Variants in SERPINB8 observed in about 807,000 individuals in gnomAD.
The protein encoded by SERPINB8 is serpin family B member 8.
A neutral mutation model predicts 35.3 loss-of-function variants in SERPINB8; 25 were observed. The ratio of observed to expected loss-of-function variants is 0.71; its 90% confidence interval spans 0.52 to 0.99. The LOEUF (loss-of-function observed/expected upper bound fraction) is 0.99. Among genes scored for constraint, SERPINB8 ranks in the 50% least tolerant of loss-of-function variants. The pLI is 0.00. For missense variants in SERPINB8, 484 were observed against 446.5 expected, an observed-to-expected ratio of 1.08 and a Z score of -0.76; for synonymous variants, 186 against 160.8, an observed-to-expected ratio of 1.16 and a Z score of -1.19.
rs1017008827 is a variant in SERPINB8, at chr18:63,985,224, T to C, written c.699T>C (p.Asp233=). 10 of 1,614,100 alleles carry C rather than the reference T, an allele frequency of 6.2e-6. No homozygotes were observed. The highest frequency in any genetic ancestry group is 1.3e-5 in the African/African-American group (1 of 74,930). ...EELSMVILLP[D]DNTDLAVVEK... Reference sequence around the variant, plus strand: ...TGAGCATGGTCATTCTGCTTCCCGATGACAACACGGACCTCGCCGTGGTAA... The same window carrying C: ...TGAGCATGGTCATTCTGCTTCCCGACGACAACACGGACCTCGCCGTGGTAA... The change falls in exon 6 of 7, where the codon GAT becomes GAC. Residue 233 remains aspartate (D), a synonymous_variant. Coordinates refer to ENST00000397985, the MANE Select transcript of SERPINB8 (RefSeq NM_002640.4).
Position 63,979,886 on chromosome 18 carries a change from T to C in SERPINB8, c.254T>C (p.Leu85Ser). Residue 85 changes from leucine (L) to serine (S), a missense_variant, in exon 3 of 7, where the codon TTG (leucine) becomes TCG (serine). Transcript: ENST00000397985. Reference protein sequence around the residue: ...SEVNRTGTQYLLRTANRLFGE... With the variant: ...SEVNRTGTQYSLRTANRLFGE... Reference sequence around the variant, plus strand: ...GTTAACAGAACTGGCACTCAGTACTTGCTTAGAACTGCCAACAGACTCTTT... The same window carrying C: ...GTTAACAGAACTGGCACTCAGTACTCGCTTAGAACTGCCAACAGACTCTTT... The C allele has an allele frequency of 6.2e-7, 1 of 1,614,070 alleles. No homozygotes were observed. The highest frequency in any genetic ancestry group is 8.5e-7 in the Non-Finnish European group (1 of 1,179,946).
intron 6 of SERPINB8, chr18:63,986,599 C>T (rs1412725632): frequency 1.5e-6 from 2 of 1,302,848 alleles, no homozygotes; most frequent in African/African-American, 1.5e-5. Context: ...ATGTTTTTAA[C>T]ATTTGAAAGG....
chr18:63,994,840 C>A (rs1258912705), intron 1 of SERPINB8, among the ~76,000 whole-genome samples: 1 of 152,170 alleles, frequency 6.6e-6, no homozygotes, highest in Non-Finnish European at 1.5e-5. Context: ...GGTTATCAAG[C>A]CCAGGTAAAC....
Position 63,986,270 on chromosome 18 carries a change from A to G in SERPINB8, c.721-604A>G, listed in dbSNP as rs768176295. The stretch of plus-strand genomic sequence containing the variant: ...TATTGATAAATAGAAAGAGTGATGG[A>G]TCTTGAAGAATTTGAAGCTAACTCC... On this transcript the variant is annotated intron_variant, in intron 6 of 6. Transcript: ENST00000397985. 6.2e-6 allele frequency: 10 copies of G among 1,610,136 alleles called. No homozygotes were observed. In the African/African-American group the frequency reaches 9.4e-5, roughly 15 times the overall value.
chr18:63,976,997 C>G (rs116829574), intron 1 of SERPINB8, among the ~76,000 whole-genome samples: 391 of 151,898 alleles, frequency 2.6e-3, no homozygotes, highest in African/African-American at 8.8e-3. Flanking sequence ...ATGTATCTAG[C>G]TGTTTTCACA....
intron 7 of SERPINB8, among the ~76,000 whole-genome samples, chr18:64,015,487 ATTT>A (rs1322806689): frequency 6.6e-6 from 1 of 152,134 alleles, no homozygotes; most frequent in Non-Finnish European, 1.5e-5. Context: ...GCACAACACT[ATTT>A]TGGGCCATAT....
At chr18:64,013,934 A>G (rs1411304088) in intron 7 of SERPINB8, among the ~76,000 whole-genome samples, 1 of 152,200 alleles carries the variant, frequency 6.6e-6, no homozygotes, top group African/African-American at 2.4e-5. Flanking sequence ...GGAACATCAA[A>G]GTTGTTAAGT....
At chr18:63,972,932 A>G (rs1038804875) in intron 1 of SERPINB8, among the ~76,000 whole-genome samples, 5 of 152,184 alleles carry the variant, frequency 3.3e-5, no homozygotes, top group Admixed American at 3.3e-4. Context: ...GCTATTGTGA[A>G]TAGTGCCGCA....
At chr18:64,019,673 A>C (rs1269697212) in exon 8 of SERPINB8, 9 of 151,990 alleles carry the variant, frequency 5.9e-5, no homozygotes, top group Non-Finnish European at 1.3e-4. Flanking sequence ...TGGTCAGTAC[A>C]TTTTAGTTGA....
In SERPINB8 at chr18:63,978,377, C is replaced by T. The variant is rs1246033869; in HGVS notation, c.69C>T (p.Asp23=). Residue 23 remains aspartate (D), a synonymous_variant, in exon 2 of 7, where the codon GAC becomes GAT. Transcript: ENST00000397985. ...ISLFKILGEE[D]NSRNVFFSPM... is the part of the protein sequence containing the mutation. ...TATTTAAAATATTGGGGGAAGAGGA[C>T]AACTCAAGAAACGTATTCTTCTCTC... is the stretch of plus-strand genomic sequence containing the variant. 8 of 1,614,074 alleles carry T rather than the reference C, an allele frequency of 5.0e-6. No individual in the cohort carries two copies. Among genetic ancestry groups the T allele is most frequent in the Non-Finnish European group, 6.8e-6 (8 of 1,180,044 alleles).
Position 63,982,642 on chromosome 18 carries a change from A to G in SERPINB8, c.424+804A>G, listed in dbSNP as rs75237479. On this transcript the variant is annotated intron_variant, in intron 4 of 6. Coordinates refer to ENST00000397985, the MANE Select transcript of SERPINB8 (RefSeq NM_002640.4). ...ACAATAATTACCATGGGAAGGGAAG[A>G]GCCTTTTGTGTTTTCATACATCATC... Among the ~76,000 whole-genome samples the G allele has an allele frequency of 5.5e-3, 842 of 152,204 alleles. 12 individuals carry two copies. Among genetic ancestry groups the G allele is most frequent in the African/African-American group, 0.02 (810 of 41,498 alleles).
chr18:64,001,891 G>A (rs2050877247), intron 1 of SERPINB8, among the ~76,000 whole-genome samples: 1 of 152,184 alleles, frequency 6.6e-6, no homozygotes, highest in Non-Finnish European at 1.5e-5. Context: ...CATCTACTGG[G>A]GGACAGGTCT....
intron 1 of SERPINB8, among the ~76,000 whole-genome samples, chr18:64,001,008 A>G (rs960209387): frequency 1.3e-5 from 2 of 152,222 alleles, no homozygotes; most frequent in African/African-American, 4.8e-5. Flanking sequence ...TCATGATGAA[A>G]TAACCTTCTT....
At chr18:64,018,197 G>T (rs2050959286) in intron 7 of SERPINB8, among the ~76,000 whole-genome samples, 1 of 152,036 alleles carries the variant, frequency 6.6e-6, no homozygotes, top group Non-Finnish European at 1.5e-5. Flanking sequence ...AACATTCTTG[G>T]TTTTTAATTT....
chr18:64,003,444 G>A (rs1599167098), intron 1 of SERPINB8, among the ~76,000 whole-genome samples: 1 of 152,204 alleles, frequency 6.6e-6, no homozygotes, highest in Non-Finnish European at 1.5e-5. Flanking sequence ...TTTTATATCA[G>A]AGACTTGAGC....
At chr18:64,016,058 C>G (rs2050948643) in intron 7 of SERPINB8, among the ~76,000 whole-genome samples, 1 of 152,190 alleles carries the variant, frequency 6.6e-6, no homozygotes, top group Non-Finnish European at 1.5e-5. Context: ...ACTTTTCCCC[C>G]CTGGAAAGTG....
exon 8 of SERPINB8, chr18:64,019,454 T>C (rs554583927): frequency 6.6e-6 from 1 of 152,388 alleles, no homozygotes; most frequent in African/African-American, 2.4e-5. Context: ...TCTCCTCGAC[T>C]CCATCCTCCA....
intron 2 of SERPINB8, among the ~76,000 whole-genome samples, chr18:63,979,401 C>T (rs887556369): frequency 2.6e-5 from 4 of 152,174 alleles, no homozygotes; most frequent in Non-Finnish European, 5.9e-5. Context: ...CCTGAATTAT[C>T]GCACACTGCC....
intron 7 of SERPINB8, among the ~76,000 whole-genome samples, chr18:64,013,004 T>C (rs772576564): frequency 1.3e-5 from 2 of 152,208 alleles, no homozygotes; most frequent in Non-Finnish European, 2.9e-5. Context: ...AGAAGAGTTC[T>C]ACTATTGGGC....
Sources: allele counts gnomAD v4.1 joint callset (sites outside exome capture counted in the v4.1 genomes callset), GRCh38; gene constraint gnomAD v4.1.1; transcripts MANE v1.5; gene names NCBI Gene and HGNC (gene_info 2026-07-23, HGNC 2026-07-21).